SEC31A: variants seen among roughly 807,000 people sequenced by gnomAD.
The protein encoded by SEC31A is SEC31 homolog A, COPII component.
In SEC31A, 70 loss-of-function variants were observed where a neutral mutation model predicts 151.0. The observed-to-expected ratio is 0.46, with a 90% CI of 0.38 to 0.57. The LOEUF (loss-of-function observed/expected upper bound fraction) is 0.57. SEC31A is among the 20% of genes least tolerant of loss of function. SEC31A has a pLI of 0.00. For synonymous variants in SEC31A, 475 were observed against 505.9 expected (o/e 0.94, Z 0.82); for missense variants, 1,330 against 1,471.2 (o/e 0.90, Z 1.57).
chr4:82,888,895 G>A (rs941716695), intron 1 of SEC31A, among the ~76,000 whole-genome samples: 2 of 152,112 alleles, frequency 1.3e-5, no homozygotes, highest in Non-Finnish European at 2.9e-5. Flanking sequence ...ACCTTGCAAT[G>A]CTATATACAG....
intron 14 of SEC31A, among the ~76,000 whole-genome samples, chr4:82,859,447 T>A (rs1415108057): frequency 6.6e-6 from 1 of 152,160 alleles, no homozygotes; most frequent in African/African-American, 2.4e-5. Flanking sequence ...TAGAGATAAA[T>A]TTTTAAAGAA....
chr4:82,857,487 T>G (rs893404421), intron 15 of SEC31A, among the ~76,000 whole-genome samples: 1 of 152,180 alleles, frequency 6.6e-6, no homozygotes, highest in African/African-American at 2.4e-5. Flanking sequence ...AACTTTTTTT[T>G]TTGAGACAGC....
chr4:82,848,710 A>G (rs1235465396), intron 20 of SEC31A, 94 bp downstream of exon 20: 12 of 1,016,594 alleles, frequency 1.2e-5, no homozygotes, highest in East Asian at 5.2e-5. Context: ...TAGTTTTACC[A>G]TATCAGAGAA....
At chr4:82,898,370 CATCT>C (rs1720152369) in intron 3 of SEC31A, among the ~76,000 whole-genome samples, 1 of 152,110 alleles carries the variant, frequency 6.6e-6, no homozygotes, top group Non-Finnish European at 1.5e-5. Context: ...AAAAAAATTC[CATCT>C]ATAAAGGATT....
rs1246478581 is a variant in SEC31A, at chr4:82,890,829, A to C, written c.-5+259T>G. 2.3e-6 allele frequency: 3 copies of C among 1,322,126 alleles called. No individual in the cohort carries two copies. The African/African-American group carries it at 4.6e-5, about 20-fold the overall frequency. The allele number at this position is 1,322,126 out of a possible 1,614,324, so 81.9% of individuals were successfully genotyped here. On this transcript the variant is annotated intron_variant, in intron 1 of 26. Coordinates refer to ENST00000395310, the MANE Select transcript of SEC31A (RefSeq NM_001077207.4). Reference sequence around the variant, plus strand: ...CCCGGCTACTACTCCCCGGCAAGACACTGTCGCCAGCCTCGGGTGGCTTTT... The same window carrying C: ...CCCGGCTACTACTCCCCGGCAAGACCCTGTCGCCAGCCTCGGGTGGCTTTT...
At chr4:82,889,749 A>G (rs1741853273) in intron 1 of SEC31A, among the ~76,000 whole-genome samples, 1 of 152,176 alleles carries the variant, frequency 6.6e-6, no homozygotes, top group Non-Finnish European at 1.5e-5. Context: ...AAATTAAGCA[A>G]TATCATTATA....
chr4:82,873,551 G>C (rs1578340091), intron 6 of SEC31A, among the ~76,000 whole-genome samples: 1 of 152,084 alleles, frequency 6.6e-6, no homozygotes, highest in African/African-American at 2.4e-5. Flanking sequence ...TCCACAAAAT[G>C]ACTAAAATGC....
In SEC31A at chr4:82,870,309, C is replaced by T. The variant is rs147555953; in HGVS notation, c.882+16G>A. 9.3e-5 allele frequency: 149 copies of T among 1,595,126 alleles called. No individual in the cohort carries two copies. The highest frequency in any genetic ancestry group is 2.8e-4 in the Admixed American group (17 of 59,668). On this transcript the variant is annotated intron_variant, in intron 8 of 26. Coordinates refer to ENST00000395310, the MANE Select transcript of SEC31A (RefSeq NM_001077207.4). The stretch of plus-strand genomic sequence containing the variant: ...CTATAAGGGCTACAAGGTTGAGACA[C>T]ATTTCCTGCCCATACCTCTCCTGTG...
intron 23 of SEC31A, among the ~76,000 whole-genome samples, chr4:82,828,566 G>A (rs1725141498): frequency 6.7e-6 from 1 of 149,212 alleles, no homozygotes; most frequent in African/African-American, 2.5e-5. Context: ...GATCTGTATA[G>A]TGCTCAGCCA....
At position 82,864,497 on chromosome 4, in the gene SEC31A, T is replaced by C; in HGVS notation, c.1299A>G (p.Val433=). 5 of 1,614,198 alleles carry C rather than the reference T, an allele frequency of 3.1e-6. No individual in the cohort carries two copies. Among genetic ancestry groups the C allele is most frequent in the Non-Finnish European group, 4.2e-6 (5 of 1,180,048 alleles). The change falls in exon 11 of 27, where the codon GTA becomes GTG. Residue 433 remains valine, a synonymous_variant. Transcript: ENST00000395310. ...QQHHVFISQV[V]TEKEFLSRSD... ...ATCGGCTGAGGAACTCCTTTTCTGT[T>C]ACAACCTGACTAATGAACACATGGT...
chr4:82,872,036 G>A lies in SEC31A; in HGVS notation c.690C>T (p.Val230=). The change falls in exon 7 of 27, where the codon GTC becomes GTT. Residue 230 remains valine (V), a synonymous_variant. Coordinates refer to ENST00000395310, the MANE Select transcript of SEC31A (RefSeq NM_001077207.4). ...GTAACCGGTCATCCTCGGAGGCAAG[G>A]ACCATCTGAGTAGCAACATCAGGAT... ...AWHPDVATQM[V]LASEDDRLPV... The A allele has an allele frequency of 6.2e-7, 1 of 1,614,028 alleles. No homozygotes were observed. Among genetic ancestry groups the A allele is most frequent in the East Asian group, 2.2e-5 (1 of 44,878 alleles).
At position 82,867,234 on chromosome 4, in the gene SEC31A, G is replaced by C. The variant is rs1277695143; in HGVS notation, c.965C>G (p.Ala322Gly). Residue 322 changes from alanine to glycine, a missense_variant, in exon 9 of 27, where the codon GCT becomes GGT. Transcript: ENST00000395310. ...CPRNPAVLSA[A>G]SFDGRISVYS... ...AACACTGATACGCCCATCAAACGAA[G>C]CAGCTGATAAGACAGCAGGATTTCG... 1 of 1,613,884 alleles carries C rather than the reference G, an allele frequency of 6.2e-7. No individual in the cohort carries two copies. The highest frequency in any genetic ancestry group is 8.5e-7 in the Non-Finnish European group (1 of 1,179,824).
chr4:82,878,906 G>A lies in SEC31A; in HGVS notation c.226C>T (p.Pro76Ser), dbSNP rs763092280. 6.2e-7 allele frequency: 1 copy of A among 1,613,032 alleles called. No individual in the cohort carries two copies. The highest frequency in any genetic ancestry group is 8.5e-7 in the Non-Finnish European group (1 of 1,179,420). Residue 76 changes from proline (P) to serine (S), a missense_variant, in exon 4 of 27, where the codon CCT becomes TCT. By Grantham distance (74) the Pro-to-Ser change is moderately conservative. Coordinates refer to ENST00000395310, the MANE Select transcript of SEC31A (RefSeq NM_001077207.4). ...TCTCCTTTGGAATCCATTTTATAAG[G>A]CCCCCAAATCAACTTGTGGTACCTA... ...SHRYHKLIWG[P>S]YKMDSKGDVS...
intron 22 of SEC31A, among the ~76,000 whole-genome samples, chr4:82,840,962 T>A (rs142163770): frequency 0.014 from 2,115 of 152,292 alleles, 23 homozygotes; most frequent in Non-Finnish European, 0.021. Flanking sequence ...AAACACTACA[T>A]TTAGGCTACA....
At chr4:82,852,602 T>C (rs1731701222) in intron 18 of SEC31A, among the ~76,000 whole-genome samples, 1 of 152,154 alleles carries the variant, frequency 6.6e-6, no homozygotes, top group Middle Eastern at 3.2e-3. Context: ...TTTGTTTCAA[T>C]AGAGTGATCT....
Position 82,867,314 on chromosome 4 carries a change from C to T in SEC31A, c.885G>A (p.Val295=), listed in dbSNP as rs766693928. 1.9e-6 allele frequency: 3 copies of T among 1,611,550 alleles called. No individual in the cohort carries two copies. Among genetic ancestry groups the T allele is most frequent in the Non-Finnish European group, 8.5e-7 (1 of 1,178,938 alleles). ...ILCSNPNTGE[V]LYELPTNTQW... The stretch of plus-strand genomic sequence containing the variant: ...GTGTGTTGGTGGGAAGTTCATATAA[C>T]ACCTAGGCCAACAAAAAACAAACAA... The change falls in exon 9 of 27, where the codon GTG becomes GTA. Residue 295 remains valine (V), a splice_region_variant and synonymous_variant. Coordinates refer to ENST00000395310, the MANE Select transcript of SEC31A (RefSeq NM_001077207.4).
intron 26 of SEC31A, among the ~76,000 whole-genome samples, chr4:82,820,268 G>A (rs1041478293): frequency 1.3e-5 from 2 of 151,238 alleles, no homozygotes; most frequent in African/African-American, 2.4e-5. Context: ...TGTGCCCACC[G>A]AGAAGACTTT....
At chr4:82,888,961 A>G (rs1051485816) in intron 1 of SEC31A, among the ~76,000 whole-genome samples, 2 of 152,230 alleles carry the variant, frequency 1.3e-5, no homozygotes, top group African/African-American at 4.8e-5. Context: ...TAGAATTGGA[A>G]CTTGGATTCC....
chr4:82,871,919 G>A, intron 7 of SEC31A, 25 bp downstream of exon 7: 1 of 1,613,826 alleles, frequency 6.2e-7, no homozygotes, highest in South Asian at 1.1e-5. Context: ...AACAAATCAA[G>A]TTCTTTGTAA....
Sources: allele counts gnomAD v4.1 joint callset (sites outside exome capture counted in the v4.1 genomes callset), GRCh38; gene constraint gnomAD v4.1.1; transcripts MANE v1.5; gene names NCBI Gene and HGNC (gene_info 2026-07-23, HGNC 2026-07-21).